The following ST18 variants were observed in gnomAD, a reference collection of about 807,000 sequenced individuals.
ST18 encodes suppression of tumorigenicity 18 protein.
Under a neutral mutation model 110.0 loss-of-function variants are expected in ST18, and 50 were observed. That is an observed-to-expected ratio of 0.45 (90% CI 0.36 to 0.58). ST18 has a LOEUF of 0.58. Ranked by LOEUF, ST18 falls within the 20% of genes least tolerant of loss-of-function variation. ST18 has a pLI of 0.00. For missense variants in ST18, 1,306 were observed against 1,280.1 expected (o/e 1.02, Z -0.31); for synonymous variants, 461 against 452.4 (o/e 1.02, Z -0.24).
chr8:52,116,891 C>T (rs2042756235), intron 24 of ST18, among the ~76,000 whole-genome samples: 1 of 152,136 alleles, frequency 6.6e-6, no homozygotes, highest in Non-Finnish European at 1.5e-5. Flanking sequence ...ACCAGTGTGA[C>T]TGTGCTACCT....
rs185505325 is a variant in ST18 at position 52,159,163 on chromosome 8, A to G, written c.1595-54T>C. The G allele has an allele frequency of 2.4e-3, 3,687 of 1,527,698 alleles. 5 individuals carry two copies. Among genetic ancestry groups the G allele is most frequent in the Admixed American group, 4.8e-3 (243 of 50,354 alleles). The allele number at this position is 1,527,698 out of a possible 1,614,324, so 94.6% of individuals were successfully genotyped here. On this transcript the variant is annotated intron_variant, in intron 14 of 25. Coordinates refer to ENST00000689386, the MANE Select transcript of ST18 (RefSeq NM_001352837.2). ...GCATGTACATGGTTTTAGTCATTAA[A>G]CAGATTTGTTTTTTTTAAAAATGTA...
At chr8:52,259,845 C>T (rs1218927082) in intron 2 of ST18, among the ~76,000 whole-genome samples, 1 of 152,200 alleles carries the variant, frequency 6.6e-6, no homozygotes, top group Non-Finnish European at 1.5e-5. Context: ...CCTACCAGAC[C>T]AGTAAAAACC....
intron 5 of ST18, among the ~76,000 whole-genome samples, 182 bp from the exon 6 acceptor site, chr8:52,218,083 A>G (rs2085057443): frequency 6.6e-6 from 1 of 152,196 alleles, no homozygotes; most frequent in Non-Finnish European, 1.5e-5. Flanking sequence ...AAAACACAAA[A>G]CAAAACCCAG....
chr8:52,228,557 GAGGCGGCAC>G (rs2090294983), intron 3 of ST18, among the ~76,000 whole-genome samples: 1 of 152,136 alleles, frequency 6.6e-6, no homozygotes, highest in Admixed American at 6.5e-5. Context: ...TCAAAATGGT[GAGGCGGCAC>G]AGTAGTTTCT....
At chr8:52,231,973 G>A (rs2091521374) in intron 2 of ST18, among the ~76,000 whole-genome samples, 3 of 152,168 alleles carry the variant, frequency 2.0e-5, no homozygotes, top group African/African-American at 7.2e-5. Context: ...GGTGGGACCC[G>A]AGAATGTGCA....
At chr8:52,356,548 A>G (rs1275290337) in intron 2 of ST18, among the ~76,000 whole-genome samples, 1 of 152,210 alleles carries the variant, frequency 6.6e-6, no homozygotes, top group African/African-American at 2.4e-5. Flanking sequence ...CAAAATGTCT[A>G]GTTTTCAACA....
rs770499407 is a variant in ST18 at position 52,212,116 on chromosome 8, A to T, written c.56-7T>A. 1.3e-6 allele frequency: 2 copies of T among 1,597,782 alleles called. No individual in the cohort carries two copies. Among genetic ancestry groups the T allele is most frequent in the Non-Finnish European group, 8.5e-7 (1 of 1,176,618 alleles). On this transcript the variant is annotated splice_region_variant and splice_polypyrimidine_tract_variant and intron_variant, in intron 7 of 25. Transcript: ENST00000689386. ...ATTAGTGAATCCATTGGCACTGTTGACAAAAGAAGAAAAAAAAGAAGACTT... is the reference window on the plus strand; with the variant it reads ...ATTAGTGAATCCATTGGCACTGTTGTCAAAAGAAGAAAAAAAAGAAGACTT...
chr8:52,166,058 C>A (rs2062870114), intron 11 of ST18, among the ~76,000 whole-genome samples: 1 of 152,138 alleles, frequency 6.6e-6, no homozygotes, highest in Non-Finnish European at 1.5e-5. Context: ...GAGTATATTC[C>A]CATTGCGAGA....
chr8:52,237,481 A>C (rs1403209774), intron 2 of ST18, among the ~76,000 whole-genome samples: 1 of 152,206 alleles, frequency 6.6e-6, no homozygotes, highest in Non-Finnish European at 1.5e-5. Flanking sequence ...AGGAGATTGA[A>C]ATGCAGAGCA....
At chr8:52,146,948 C>T (rs1245384137) in intron 16 of ST18, among the ~76,000 whole-genome samples, 1 of 152,200 alleles carries the variant, frequency 6.6e-6, no homozygotes, top group Admixed American at 6.5e-5. Context: ...TTAGCTTAAA[C>T]AAATATTCTG....
intron 8 of ST18, among the ~76,000 whole-genome samples, chr8:52,180,531 C>T (rs2068998924): frequency 6.6e-6 from 1 of 151,754 alleles, no homozygotes; most frequent in African/African-American, 2.4e-5. Context: ...TTTAAATCAT[C>T]CTTAATCCTG....
intron 2 of ST18, among the ~76,000 whole-genome samples, chr8:52,289,853 G>A (rs2095528076): frequency 1.3e-5 from 2 of 152,080 alleles, no homozygotes; most frequent in South Asian, 4.2e-4. Context: ...CTACAGGGTT[G>A]CTACTCGGTG....
intron 2 of ST18, among the ~76,000 whole-genome samples, chr8:52,379,953 C>T (rs186725414): frequency 5.9e-5 from 9 of 152,268 alleles, no homozygotes; most frequent in East Asian, 1.9e-4. Context: ...ATCATCTCCA[C>T]GTGAGCAGCT....
intron 8 of ST18, among the ~76,000 whole-genome samples, chr8:52,181,739 A>G (rs1393020393): frequency 1.3e-5 from 2 of 152,306 alleles, no homozygotes; most frequent in East Asian, 3.9e-4. Context: ...GCAGGAAGTG[A>G]GGACCAACAT....
intron 15 of ST18, among the ~76,000 whole-genome samples, chr8:52,158,360 T>C (rs2060527812): frequency 6.6e-6 from 1 of 152,218 alleles, no homozygotes. Flanking sequence ...ATTTAATGTA[T>C]TCATGTTCTA....
At chr8:52,386,920 C>T (rs1452944725) in intron 2 of ST18, among the ~76,000 whole-genome samples, 1 of 152,200 alleles carries the variant, frequency 6.6e-6, no homozygotes, top group African/African-American at 2.4e-5. Flanking sequence ...CTCTAATAAT[C>T]CAACTAGTAT....
chr8:52,345,309 C>T (rs757761009), intron 2 of ST18, among the ~76,000 whole-genome samples: 1 of 152,042 alleles, frequency 6.6e-6, no homozygotes, highest in Non-Finnish European at 1.5e-5. Context: ...TCCTGATACC[C>T]CACAGAAATG....
Position 52,142,974 on chromosome 8 carries a change from A to G in ST18, c.2124T>C (p.Pro708=). 2 of 1,614,148 alleles carry G rather than the reference A, an allele frequency of 1.2e-6. No homozygotes were observed. Among genetic ancestry groups the G allele is most frequent in the South Asian group, 2.2e-5 (2 of 91,082 alleles). ...GATCTCTTGCATGAAGCTTGGGTTT[A>G]GGGCTTGGTATAGAGGCCTCTCCAG... ...KFPGEASIPS[P]KPKLHARDLK... Residue 708 remains proline (P), a synonymous_variant, in exon 17 of 26, where the codon CCT becomes CCC. Coordinates refer to ENST00000689386, the MANE Select transcript of ST18 (RefSeq NM_001352837.2).
intron 2 of ST18, among the ~76,000 whole-genome samples, chr8:52,319,006 T>G (rs1360246843): frequency 6.6e-6 from 1 of 152,086 alleles, no homozygotes; most frequent in Admixed American, 6.5e-5. Context: ...GATGGGATGA[T>G]CTGTGCAGCA....
Sources: gnomAD v4.1 joint callset for allele counts (sites outside exome capture counted in the v4.1 genomes callset) on GRCh38, gnomAD v4.1.1 for gene constraint, MANE v1.5 for transcripts, NCBI Gene and HGNC (gene_info 2026-07-23, HGNC 2026-07-21) for gene names.